The following PTPRN2 variants were observed in gnomAD, a reference collection of about 807,000 sequenced individuals.
The protein encoded by PTPRN2 is receptor-type tyrosine-protein phosphatase N2.
PTPRN2 carries 74 observed loss-of-function variants against 118.8 expected under a neutral mutation model. That is an observed-to-expected ratio of 0.62 (90% confidence interval 0.52 to 0.76). The LOEUF (loss-of-function observed/expected upper bound fraction) is 0.76, where lower values mean the gene tolerates loss of function less well. Among genes scored for constraint, PTPRN2 ranks in the 30% least tolerant of loss-of-function variants. The probability of loss-of-function intolerance (pLI) is 0.00; values close to 1 mark genes in which losing one functional copy is unlikely to be tolerated. For synonymous variants in PTPRN2, 641 were observed against 608.0 expected, an observed-to-expected ratio of 1.05 and a Z score of -0.80; for missense variants, 1,481 against 1,394.4, an observed-to-expected ratio of 1.06 and a Z score of -0.99.
At chr7:158,522,808 C>T (rs1349078514) in intron 1 of PTPRN2, among the ~76,000 whole-genome samples, 1 of 152,214 alleles carries the variant, frequency 6.6e-6, no homozygotes, top group African/African-American at 2.4e-5. Context: ...TTGAGAGCAG[C>T]TCACCATCAC....
At position 157,562,625 on chromosome 7, in the gene PTPRN2, CAA is replaced by C. The variant is rs896808369; in HGVS notation, c.2902+6275_2902+6276del. Among the ~76,000 whole-genome samples the C allele has an allele frequency of 5.3e-5, 8 of 152,340 alleles. No individual in the cohort carries two copies. The South Asian group carries it at 8.3e-4, about 16-fold the overall frequency. ...CGGGGAGCCACAAAACACGATTCGA[CAA>C]AGACGTTCTGCTGTCACCACACACA... On this transcript the variant is annotated intron_variant, in intron 21 of 22. Transcript: ENST00000389418.
chr7:158,478,274 G>A (rs1483842638), intron 2 of PTPRN2, among the ~76,000 whole-genome samples: 2 of 152,242 alleles, frequency 1.3e-5, no homozygotes, highest in Non-Finnish European at 2.9e-5. Flanking sequence ...CAGGTGCACT[G>A]CAGTGGACGG....
chr7:158,485,637 A>ACCCCTCCTGCTCGGCCACCCCTCTCTGCG (rs1820960698), intron 2 of PTPRN2, among the ~76,000 whole-genome samples: 1 of 96,080 alleles, frequency 1.0e-5, no homozygotes. Context: ...CCCTCTCTGC[A>ACCCCTCCTGCTCGGCCACCCCTCTCTGCG]CCCCTCCTGC....
intron 6 of PTPRN2, among the ~76,000 whole-genome samples, chr7:158,141,015 C>T (rs1331145228): frequency 6.6e-6 from 1 of 152,270 alleles, no homozygotes; most frequent in East Asian, 1.9e-4. Flanking sequence ...AATGTCCTGA[C>T]CTCAGTGGGG....
chr7:158,341,034 C>A (rs1243348891), intron 2 of PTPRN2, among the ~76,000 whole-genome samples: 4 of 17,216 alleles, frequency 2.3e-4, no homozygotes, highest in Non-Finnish European at 1.3e-4. Context: ...CACCCACACT[C>A]ACCATGAGGT....
chr7:157,613,968 C>A (rs1300771990), intron 15 of PTPRN2: 1 of 468,528 alleles, frequency 2.1e-6, no homozygotes, highest in South Asian at 1.6e-5. Flanking sequence ...ACAACTGTGA[C>A]TCTGTGAGCT....
At chr7:157,955,580 C>T (rs1443960985) in intron 11 of PTPRN2, among the ~76,000 whole-genome samples, 1 of 152,216 alleles carries the variant, frequency 6.6e-6, no homozygotes, top group East Asian at 1.9e-4. Flanking sequence ...CAGCACACAG[C>T]AGGAGGGTTA....
At chr7:158,262,998 GCACA>G (rs558237286) in intron 3 of PTPRN2, among the ~76,000 whole-genome samples, 1,445 of 140,162 alleles carry the variant, frequency 0.01, 21 homozygotes, top group African/African-American at 0.037. Flanking sequence ...CACACACATT[GCACA>G]CACACATTCA....
Position 158,203,478 on chromosome 7 carries a change from G to T in PTPRN2, c.380+1693C>A, listed in dbSNP as rs191876872. 7.2e-5 allele frequency among the ~76,000 whole-genome samples: 11 copies of T among 152,104 alleles called. No individual in the cohort carries two copies. The East Asian group carries it at 7.7e-4, about 11-fold the overall frequency. On this transcript the variant is annotated intron_variant, in intron 4 of 22. Coordinates refer to ENST00000389418, the MANE Select transcript of PTPRN2 (RefSeq NM_002847.5). ...ACGTTGTTTAGAAGGCACAATCCAG[G>T]CGCCTCTCCATGGTTGTTGCTGAGT... is the stretch of plus-strand genomic sequence containing the variant.
chr7:158,505,162 T>TC (rs1822652504), intron 1 of PTPRN2, among the ~76,000 whole-genome samples: 1 of 152,182 alleles, frequency 6.6e-6, no homozygotes, highest in African/African-American at 2.4e-5. Context: ...GCCTCTTTTT[T>TC]CCCACTATAT....
chr7:158,330,583 G>C (rs1804165131), intron 2 of PTPRN2, among the ~76,000 whole-genome samples: 2 of 47,262 alleles, frequency 4.2e-5, no homozygotes, highest in African/African-American at 1.4e-4. Flanking sequence ...CCTAAGAGGT[G>C]ACATCTGCAG....
At chr7:157,744,769 G>T (rs1045150602) in intron 12 of PTPRN2, among the ~76,000 whole-genome samples, 2 of 152,162 alleles carry the variant, frequency 1.3e-5, no homozygotes, top group Non-Finnish European at 2.9e-5. Context: ...AGGTGGAGGG[G>T]AAGCCACAGA....
At chr7:157,693,170 G>T (rs909975663) in intron 12 of PTPRN2, among the ~76,000 whole-genome samples, 1 of 152,042 alleles carries the variant, frequency 6.6e-6, no homozygotes, top group Non-Finnish European at 1.5e-5. Context: ...AGGGGAGGGG[G>T]CTCGGAGGAG....
chr7:158,244,297 T>A (rs543424394), intron 3 of PTPRN2, among the ~76,000 whole-genome samples: 1 of 152,268 alleles, frequency 6.6e-6, no homozygotes, highest in Non-Finnish European at 1.5e-5. Context: ...AGCACAGAAG[T>A]TGGAAACGCA....
rs534713573 is a variant in PTPRN2, at chr7:157,897,386, C to A, written c.1788+1287G>T. Among the ~76,000 whole-genome samples, 19 of 152,270 alleles carry A rather than the reference C, an allele frequency of 1.2e-4. No individual in the cohort carries two copies. The South Asian group carries it at 3.7e-3, about 30-fold the overall frequency. On this transcript the variant is annotated intron_variant, in intron 12 of 22. Transcript: ENST00000389418. ...GTGGGATGCAGGTGGCTCTCGGCAG[C>A]CCCCAAGACTCTTGGCTTCTTTCTC...
At chr7:158,035,921 CA>C (rs2128885699) in intron 11 of PTPRN2, among the ~76,000 whole-genome samples, 1 of 152,208 alleles carries the variant, frequency 6.6e-6, no homozygotes, top group South Asian at 2.1e-4. Context: ...AAAGTGTGAG[CA>C]AAATTTAAAA....
chr7:158,536,177 A>C (rs1248300676), intron 1 of PTPRN2, among the ~76,000 whole-genome samples: 2 of 152,122 alleles, frequency 1.3e-5, no homozygotes, highest in Admixed American at 1.3e-4. Flanking sequence ...AAAATAAAGA[A>C]GGTCTGAAAT....
At chr7:158,191,384 G>A (rs538977852) in intron 5 of PTPRN2, among the ~76,000 whole-genome samples, 41 of 152,168 alleles carry the variant, frequency 2.7e-4, no homozygotes, top group Non-Finnish European at 3.4e-4. Context: ...TGTAACTAAC[G>A]TTTGGCAGAA....
At chr7:157,624,394 C>T (rs2150650784) in intron 14 of PTPRN2, among the ~76,000 whole-genome samples, 1 of 151,776 alleles carries the variant, frequency 6.6e-6, no homozygotes, top group African/African-American at 2.4e-5. Context: ...GCACTCCAGT[C>T]TGGGTGACCA....
Sources: allele counts gnomAD v4.1 joint callset (sites outside exome capture counted in the v4.1 genomes callset), GRCh38; gene constraint gnomAD v4.1.1; transcripts MANE v1.5; gene names NCBI Gene and HGNC (gene_info 2026-07-23, HGNC 2026-07-21).